SLC10A5: variants seen among roughly 807,000 people sequenced by gnomAD.
SLC10A5 encodes the protein sodium/bile acid cotransporter 5.
For synonymous variants in SLC10A5, 181 were observed against 183.7 expected (o/e 0.99, Z 0.12); for missense variants, 475 against 500.7 (o/e 0.95, Z 0.49).
chr8:81,694,948 G>C lies in SLC10A5; in HGVS notation c.25C>G (p.Leu9Val). The C allele has an allele frequency of 6.4e-7, 1 of 1,560,722 alleles. No individual in the cohort carries two copies. The highest frequency in any genetic ancestry group is 1.4e-5 in the African/African-American group (1 of 72,186). Residue 9 changes from leucine (L) to valine (V), a missense_variant, in exon 1 of 1, where the codon CTA (leucine) becomes GTA (valine). Coordinates refer to ENST00000518568, the MANE Select transcript of SLC10A5 (RefSeq NM_001010893.3). ...TCTATAGTCACAAGCAACAAAAGTA[G>C]AACAATAAAAAGTTTTCTAATCATT... MIRKLFIV[L>V]LLLLVTIEEA...
rs754413209 is a variant in SLC10A5, at chr8:81,694,311, C to A, written c.662G>T (p.Gly221Val). The A allele has an allele frequency of 6.2e-7, 1 of 1,613,964 alleles. No individual in the cohort carries two copies. The highest frequency in any genetic ancestry group is 1.7e-5 in the Admixed American group (1 of 60,000). The change falls in exon 1 of 1, where the codon GGC (glycine) becomes GTC (valine). Residue 221 changes from glycine to valine, a missense_variant. Gly to Val is a moderately radical substitution (Grantham distance 109). Transcript: ENST00000518568. The part of the protein sequence containing the change: ...MTCTCPGGGG[G>V]YLFALLLDGD... ...ATCTAGAAGCAGAGCAAAGAGATAGCCCCCACCCCCTCCTGGGCACGTGCA... is the reference window on the plus strand; with the variant it reads ...ATCTAGAAGCAGAGCAAAGAGATAGACCCCACCCCCTCCTGGGCACGTGCA...
rs375943895 is a variant in SLC10A5 at position 81,694,197 on chromosome 8, C to T, written c.776G>A (p.Arg259Lys). Reference protein sequence around the residue: ...MMPVNSYIYSRILGLSGTFHI... With the variant: ...MMPVNSYIYSKILGLSGTFHI... ...GAATGTACCTGACAACCCTAATATC[C>T]TACTGTATATATAAGAATTGACAGG... The change falls in exon 1 of 1, where the codon AGG becomes AAG. Residue 259 changes from arginine (R) to lysine (K), a missense_variant. Coordinates refer to ENST00000518568, the MANE Select transcript of SLC10A5 (RefSeq NM_001010893.3). 4 of 1,613,936 alleles carry T rather than the reference C, an allele frequency of 2.5e-6. No homozygotes were observed. In the African/African-American group the frequency reaches 4.0e-5, roughly 16 times the overall value.
At position 81,694,280 on chromosome 8, in the gene SLC10A5, A is replaced by C. The variant is rs1240692720; in HGVS notation, c.693T>G (p.Asp231Glu). The part of the protein sequence containing the change: ...GYLFALLLDG[D>E]FTLAILMTCT... ...AAGTCATCAAAATGGCCAATGTGAA[A>C]TCTCCATCTAGAAGCAGAGCAAAGA... Residue 231 changes from aspartate (D) to glutamate (E), a missense_variant, in exon 1 of 1, where the codon GAT (aspartate) becomes GAG (glutamate). Transcript: ENST00000518568. 1 of 1,614,138 alleles carries C rather than the reference A, an allele frequency of 6.2e-7. No homozygotes were observed. The highest frequency in any genetic ancestry group is 1.1e-5 in the South Asian group (1 of 91,082).
In SLC10A5 at chr8:81,693,826, C is replaced by A. The variant is rs760772436; in HGVS notation, c.1147G>T (p.Val383Phe). Residue 383 changes from valine to phenylalanine, a missense_variant, in exon 1 of 1, where the codon GTT (valine) becomes TTT (phenylalanine). Coordinates refer to ENST00000518568, the MANE Select transcript of SLC10A5 (RefSeq NM_001010893.3). Reference protein sequence around the residue: ...GMLNSFLALAVIQLSFPQSKA... With the variant: ...GMLNSFLALAFIQLSFPQSKA... The stretch of plus-strand genomic sequence containing the variant: ...GACTGTGGAAAAGACAGCTGAATAA[C>A]GGCAAGAGCTAAGAAACTATTTAAC... 2.5e-6 allele frequency: 4 copies of A among 1,613,698 alleles called. No individual in the cohort carries two copies. The highest frequency in any genetic ancestry group is 3.4e-6 in the Non-Finnish European group (4 of 1,179,982).
Position 81,694,013 on chromosome 8 carries a change from C to G in SLC10A5, c.960G>C (p.Leu320Phe). The change falls in exon 1 of 1, where the codon TTG becomes TTC. Residue 320 changes from leucine (L) to phenylalanine (F), a missense_variant. Transcript: ENST00000518568. Reference protein sequence around the residue: ...SFILMFVGIYLTFTVGLVFLK... With the variant: ...SFILMFVGIYFTFTVGLVFLK... ...AGAACACTAATCCCACTGTGAAAGT[C>G]AAATAAATTCCTACGAACATTAAAA... 1 of 1,613,730 alleles carries G rather than the reference C, an allele frequency of 6.2e-7. No individual in the cohort carries two copies. The highest frequency in any genetic ancestry group is 1.1e-5 in the South Asian group (1 of 91,044).
Position 81,694,254 on chromosome 8 carries a change from C to T in SLC10A5, c.719G>A (p.Cys240Tyr), listed in dbSNP as rs763950225. 3 of 1,614,042 alleles carry T rather than the reference C, an allele frequency of 1.9e-6. No homozygotes were observed. Among genetic ancestry groups the T allele is most frequent in the South Asian group, 2.2e-5 (2 of 91,074 alleles). ...GATCAGAGCCAATAATGTTGATGTG[C>T]AAGTCATCAAAATGGCCAATGTGAA... is the stretch of plus-strand genomic sequence containing the variant. ...GDFTLAILMT[C>Y]TSTLLALIMM... is the part of the protein sequence containing the mutation. Residue 240 changes from cysteine (C) to tyrosine (Y), a missense_variant, in exon 1 of 1, where the codon TGC becomes TAC. Cys to Tyr is a radical substitution (Grantham distance 194). Coordinates refer to ENST00000518568, the MANE Select transcript of SLC10A5 (RefSeq NM_001010893.3).
In SLC10A5 at chr8:81,693,796, C is replaced by T; in HGVS notation, c.1177G>A (p.Ala393Thr). The T allele has an allele frequency of 1.9e-6, 3 of 1,614,032 alleles. No homozygotes were observed. Among genetic ancestry groups the T allele is most frequent in the Non-Finnish European group, 2.5e-6 (3 of 1,180,004 alleles). Reference sequence around the variant, plus strand: ...AAAGGAGCCACAGAAGCTAAATTGGCCTTGGACTGTGGAAAAGACAGCTGA... The same window carrying T: ...AAAGGAGCCACAGAAGCTAAATTGGTCTTGGACTGTGGAAAAGACAGCTGA... ...VIQLSFPQSK[A>T]NLASVAPFTV... Residue 393 changes from alanine to threonine, a missense_variant, in exon 1 of 1, where the codon GCC becomes ACC. Coordinates refer to ENST00000518568, the MANE Select transcript of SLC10A5 (RefSeq NM_001010893.3).
In SLC10A5 at chr8:81,694,850, T is replaced by C. The variant is rs758476336; in HGVS notation, c.123A>G (p.Glu41=). 1.9e-6 allele frequency: 3 copies of C among 1,613,962 alleles called. No homozygotes were observed. The highest frequency in any genetic ancestry group is 2.5e-6 in the Non-Finnish European group (3 of 1,179,980). ...AGCTTGAACTTACAAGGATGGTTTCTTCAGTCTTTGTGAAAAATAGTATTT... is the reference window on the plus strand; with the variant it reads ...AGCTTGAACTTACAAGGATGGTTTCCTCAGTCTTTGTGAAAAATAGTATTT... The part of the protein sequence containing the change: ...KTEILFFTKT[E]ETILVSSSYE... The change falls in exon 1 of 1, where the codon GAA becomes GAG. Residue 41 remains glutamate, a synonymous_variant. Coordinates refer to ENST00000518568, the MANE Select transcript of SLC10A5 (RefSeq NM_001010893.3).
In SLC10A5 at chr8:81,694,796, G is replaced by T. The variant is rs778235141; in HGVS notation, c.177C>A (p.His59Gln). 2.7e-5 allele frequency: 43 copies of T among 1,613,780 alleles called. No individual in the cohort carries two copies. In the Middle Eastern group the frequency reaches 4.9e-4, roughly 19 times the overall value. Residue 59 changes from histidine to glutamine, a missense_variant, in exon 1 of 1, where the codon CAC (histidine) becomes CAA (glutamine). By Grantham distance (24) the His-to-Gln change is conservative. Coordinates refer to ENST00000518568, the MANE Select transcript of SLC10A5 (RefSeq NM_001010893.3). ...TAGGATCTTCTATTTTCACAAAGAG[G>T]TGGCTGGAATTAGGCCGTTTATTTT... Reference protein sequence around the residue: ...SYENKRPNSSHLFVKIEDPKI... With the variant: ...SYENKRPNSSQLFVKIEDPKI...
At position 81,694,098 on chromosome 8, in the gene SLC10A5, T is replaced by C. The variant is rs147682409; in HGVS notation, c.875A>G (p.Lys292Arg). 214 of 1,614,044 alleles carry C rather than the reference T, an allele frequency of 1.3e-4. 1 individual carries two copies. Among genetic ancestry groups the C allele is most frequent in the Non-Finnish European group, 2.8e-5 (33 of 1,180,046 alleles). Residue 292 changes from lysine to arginine, a missense_variant, in exon 1 of 1, where the codon AAG (lysine) becomes AGG (arginine). Coordinates refer to ENST00000518568, the MANE Select transcript of SLC10A5 (RefSeq NM_001010893.3). Reference sequence around the variant, plus strand: ...GCTTGCTTTTTCAGGTATTCTATGCTTGATGACTATTCCAATTGATACTGG... The same window carrying C: ...GCTTGCTTTTTCAGGTATTCTATGCCTGATGACTATTCCAATTGATACTGG... ...LVPVSIGIVI[K>R]HRIPEKASFL...
rs78567257 is a variant in SLC10A5, at chr8:81,694,545, A to T, written c.428T>A (p.Ile143Asn). Residue 143 changes from isoleucine to asparagine, a missense_variant, in exon 1 of 1, where the codon ATC (isoleucine) becomes AAC (asparagine). Transcript: ENST00000518568. ...LQAPMHIDRN[I>N]LMLILPLILL... ...TATTAGTGGTAAAATAAGCATTAGG[A>T]TATTTCTATCAATATGCATTGGTGC... The T allele has an allele frequency of 5.0e-3, 8,080 of 1,614,156 alleles. 327 individuals are homozygous for T. In the African/African-American group the frequency reaches 0.092, roughly 18 times the overall value.
Position 81,694,990 on chromosome 8 carries a change from A to T in SLC10A5, c.-18T>A. On this transcript the variant is annotated 5_prime_UTR_variant, in exon 1 of 1. Transcript: ENST00000518568. ...CTAATCATTTTGAAAGCTGAAATAA[A>T]TCATATATGCAAAATCGTTTTTAAA... 1.3e-6 allele frequency: 2 copies of T among 1,515,216 alleles called. No individual in the cohort carries two copies. The highest frequency in any genetic ancestry group is 1.8e-6 in the Non-Finnish European group (2 of 1,134,032). 93.9% of individuals were successfully genotyped at this position (1,515,216 alleles called of 1,614,324 possible).
chr8:81,693,883 CA>C lies in SLC10A5; in HGVS notation c.1089del (p.Val364PhefsTer12). 1 of 1,613,828 alleles carries C rather than the reference CA, an allele frequency of 6.2e-7. No homozygotes were observed. On this transcript the variant is annotated frameshift_variant, in exon 1 of 1. Transcript: ENST00000518568. LOFTEE classifies it low-confidence loss of function (END_TRUNC). The stretch of plus-strand genomic sequence containing the variant: ...CTTTCAATAGCAACAGTTTTACAAA[CA>C]GGAAGAGGCAGCGTACAAACTTTAG... The part of the protein sequence containing the change: ...SFAKVCTLPL[P>X]VCKTVAIESG...
rs746707822 is a variant in SLC10A5, at chr8:81,694,661, G to C, written c.312C>G (p.Leu104=). 8.1e-6 allele frequency: 13 copies of C among 1,613,842 alleles called. No individual in the cohort carries two copies. The East Asian group carries it at 2.9e-4, about 36-fold the overall frequency. The change falls in exon 1 of 1, where the codon CTC becomes CTG. Residue 104 remains leucine, a synonymous_variant. Coordinates refer to ENST00000518568, the MANE Select transcript of SLC10A5 (RefSeq NM_001010893.3). ...TTTCTTGCCTACCTTCAGAATCCCA[G>C]AGTTGAATAGTCACATTTGTTTCTC... ...EEGETNVTIQ[L]WDSEGRQERL...
At position 81,694,356 on chromosome 8, in the gene SLC10A5, G is replaced by A; in HGVS notation, c.617C>T (p.Ala206Val). 1 of 1,612,984 alleles carries A rather than the reference G, an allele frequency of 6.2e-7. No homozygotes were observed. The highest frequency in any genetic ancestry group is 8.5e-7 in the Non-Finnish European group (1 of 1,179,918). Residue 206 changes from alanine to valine, a missense_variant, in exon 1 of 1, where the codon GCT becomes GTT. Transcript: ENST00000518568. ...SQIVALPEAQ[A>V]FGVVMTCTCP... Reference sequence around the variant, plus strand: ...CGTGCAGGTCATTACAACTCCAAAAGCTTGCGCCTCAGGCAATGCCACAAT... The same window carrying A: ...CGTGCAGGTCATTACAACTCCAAAAACTTGCGCCTCAGGCAATGCCACAAT...
chr8:81,693,979 C>A lies in SLC10A5; in HGVS notation c.994G>T (p.Asp332Tyr). 1.2e-6 allele frequency: 2 copies of A among 1,613,780 alleles called. No individual in the cohort carries two copies. Among genetic ancestry groups the A allele is most frequent in the Non-Finnish European group, 1.7e-6 (2 of 1,180,038 alleles). The change falls in exon 1 of 1, where the codon GAT (aspartate) becomes TAT (tyrosine). Residue 332 changes from aspartate (D) to tyrosine (Y), a missense_variant. Transcript: ENST00000518568. Reference sequence around the variant, plus strand: ...CCCAACAGAATCACCTCTAGATTATCTGTTTTTAAGAACACTAATCCCACT... The same window carrying A: ...CCCAACAGAATCACCTCTAGATTATATGTTTTTAAGAACACTAATCCCACT... ...FTVGLVFLKT[D>Y]NLEVILLGLL...
rs760151240 is a variant in SLC10A5 at position 81,693,726 on chromosome 8, A to G, written c.1247T>C (p.Leu416Pro). The change falls in exon 1 of 1, where the codon CTA (leucine) becomes CCA (proline). Residue 416 changes from leucine to proline, a missense_variant. Coordinates refer to ENST00000518568, the MANE Select transcript of SLC10A5 (RefSeq NM_001010893.3). ...CSGCEMLLIILVYKAKKRCIF... is the reference protein window; with the variant it reads ...CSGCEMLLIIPVYKAKKRCIF... ...ACATCTTTTCTTAGCCTTGTAAACT[A>G]GAATGATCAGTAACATTTCACATCC... 4 of 1,610,066 alleles carry G rather than the reference A, an allele frequency of 2.5e-6. No individual in the cohort carries two copies. The highest frequency in any genetic ancestry group is 2.7e-5 in the African/African-American group (2 of 74,670).
Position 81,694,422 on chromosome 8 carries a change from T to C in SLC10A5, c.551A>G (p.Gln184Arg). ...CCCGCAAAATGGCATCAGAAAAAAC[T>C]GTGTAACTGCCCCAAGAATTACTGG... Reference protein sequence around the residue: ...PLPVILGAVTQFFLMPFCGFL... With the variant: ...PLPVILGAVTRFFLMPFCGFL... Residue 184 changes from glutamine (Q) to arginine (R), a missense_variant, in exon 1 of 1, where the codon CAG (glutamine) becomes CGG (arginine). Transcript: ENST00000518568. The C allele has an allele frequency of 3.7e-6, 6 of 1,613,842 alleles. No individual in the cohort carries two copies. Among genetic ancestry groups the C allele is most frequent in the Non-Finnish European group, 5.1e-6 (6 of 1,180,010 alleles).
At position 81,693,943 on chromosome 8, in the gene SLC10A5, G is replaced by A; in HGVS notation, c.1030C>T (p.Pro344Ser). The A allele has an allele frequency of 6.2e-7, 1 of 1,613,970 alleles. No homozygotes were observed. The highest frequency in any genetic ancestry group is 1.3e-5 in the African/African-American group (1 of 75,016). ...TACCCAAACAGCAAACCCAAAGCAG[G>A]AACTAAGAGACCCAACAGAATCACC... Reference protein sequence around the residue: ...LEVILLGLLVPALGLLFGYSF... With the variant: ...LEVILLGLLVSALGLLFGYSF... Residue 344 changes from proline (P) to serine (S), a missense_variant, in exon 1 of 1, where the codon CCT (proline) becomes TCT (serine). Pro to Ser is a moderately conservative substitution (Grantham distance 74). Transcript: ENST00000518568.
Sources: gnomAD v4.1 joint callset for allele counts on GRCh38, gnomAD v4.1.1 for gene constraint, MANE v1.5 for transcripts, NCBI Gene and HGNC (gene_info 2026-07-23, HGNC 2026-07-21) for gene names.